The following MAGI2 variants were observed in gnomAD, a reference collection of about 807,000 sequenced individuals.
The protein encoded by MAGI2 is membrane associated guanylate kinase, WW and PDZ domain containing 2, also known as membrane-associated guanylate kinase, WW and PDZ domain-containing protein 2.
In MAGI2, 35 loss-of-function variants were observed where a neutral mutation model predicts 133.3. The observed-to-expected ratio is 0.26, with a 90% CI of 0.20 to 0.35. The LOEUF (loss-of-function observed/expected upper bound fraction) is 0.35. Among genes scored for constraint, MAGI2 ranks in the 10% least tolerant of loss-of-function variants. MAGI2 has a pLI of 1.00. For synonymous variants in MAGI2, 729 were observed against 710.6 expected, an observed-to-expected ratio of 1.03 and a Z score of -0.41; for missense variants, 1,636 against 1,863.4, an observed-to-expected ratio of 0.88 and a Z score of 2.25.
chr7:78,237,321 T>A (rs564829539), intron 10 of MAGI2, among the ~76,000 whole-genome samples: 1 of 152,314 alleles, frequency 6.6e-6, no homozygotes, highest in South Asian at 2.1e-4. Context: ...TTTTTACATT[T>A]TAGATTTGAG....
At chr7:78,629,225 T>C (rs991247563) in intron 2 of MAGI2, among the ~76,000 whole-genome samples, 4 of 152,128 alleles carry the variant, frequency 2.6e-5, no homozygotes, top group African/African-American at 4.8e-5. Flanking sequence ...TGTGATTGAG[T>C]TCTTCCTTCT....
intron 2 of MAGI2, among the ~76,000 whole-genome samples, chr7:78,777,619 A>G (rs1333591163): frequency 6.6e-6 from 1 of 152,210 alleles, no homozygotes; most frequent in Non-Finnish European, 1.5e-5. Flanking sequence ...ACTGTTCTAA[A>G]TAAGTACAAA....
chr7:78,031,478 T>TG (rs1584887579), intron 21 of MAGI2, among the ~76,000 whole-genome samples: 1 of 152,222 alleles, frequency 6.6e-6, no homozygotes, highest in East Asian at 1.9e-4. Context: ...ACCACTACTT[T>TG]GCTTTATAGC....
intron 2 of MAGI2, among the ~76,000 whole-genome samples, chr7:78,842,576 A>T (rs1352390505): frequency 6.6e-6 from 1 of 151,928 alleles, no homozygotes; most frequent in Non-Finnish European, 1.5e-5. Flanking sequence ...AGCCTTGAAG[A>T]TATAGCCATG....
intron 2 of MAGI2, among the ~76,000 whole-genome samples, chr7:78,944,513 C>CTAAGTGAAAGTTGGT (rs1801247469): frequency 6.6e-6 from 1 of 152,030 alleles, no homozygotes; most frequent in African/African-American, 2.4e-5. Flanking sequence ...GCATTCCCCT[C>CTAAGTGAAAGTTGGT]CATAAAATAC....
chr7:78,721,531 T>C (rs1055895538), intron 2 of MAGI2, among the ~76,000 whole-genome samples: 2 of 152,034 alleles, frequency 1.3e-5, no homozygotes, highest in South Asian at 4.1e-4. Context: ...CCCGGGTAGA[T>C]GCAGAATTTT....
chr7:78,795,145 C>A (rs1787501017), intron 2 of MAGI2, among the ~76,000 whole-genome samples: 1 of 151,736 alleles, frequency 6.6e-6, no homozygotes, highest in Non-Finnish European at 1.5e-5. Context: ...TTGCAATGAT[C>A]TTATATTGCA....
intron 6 of MAGI2, among the ~76,000 whole-genome samples, chr7:78,473,896 C>T (rs61183360): frequency 0.043 from 6,595 of 152,020 alleles, 490 homozygotes; most frequent in African/African-American, 0.15. Context: ...GAGGACAAAT[C>T]TTAAACGACT....
intron 1 of MAGI2, among the ~76,000 whole-genome samples, chr7:79,424,504 G>A (rs879257163): frequency 6.6e-6 from 1 of 152,050 alleles, no homozygotes; most frequent in Admixed American, 6.6e-5. Flanking sequence ...GGTGACTATA[G>A]GTATTGACAA....
At chr7:79,379,600 T>C (rs774288466) in intron 1 of MAGI2, among the ~76,000 whole-genome samples, 1 of 151,954 alleles carries the variant, frequency 6.6e-6, no homozygotes, top group Admixed American at 6.6e-5. Flanking sequence ...TGTTCCTATT[T>C]CTCCACATCC....
intron 2 of MAGI2, among the ~76,000 whole-genome samples, chr7:78,639,292 T>C (rs1463694277): frequency 6.6e-6 from 1 of 152,204 alleles, no homozygotes; most frequent in African/African-American, 2.4e-5. Context: ...TTCAATTATA[T>C]TGAAAATGCT....
At chr7:79,187,519 G>C (rs1399217445) in intron 1 of MAGI2, among the ~76,000 whole-genome samples, 1 of 151,764 alleles carries the variant, frequency 6.6e-6, no homozygotes, top group Non-Finnish European at 1.5e-5. Flanking sequence ...ATAGAATTCA[G>C]AGAAATGTCT....
intron 10 of MAGI2, chr7:78,255,169 G>A (rs1042318485): frequency 6.6e-6 from 1 of 152,406 alleles, no homozygotes; most frequent in African/African-American, 2.4e-5. Context: ...AAGGGGCCCT[G>A]TGCTTTACCC....
chr7:78,196,258 C>G (rs1184683577), intron 11 of MAGI2, among the ~76,000 whole-genome samples: 1 of 152,000 alleles, frequency 6.6e-6, no homozygotes, highest in Non-Finnish European at 1.5e-5. Flanking sequence ...CCGCCCTGTC[C>G]CTCCTGCCCC....
chr7:79,141,073 A>C (rs1355777946), intron 1 of MAGI2, among the ~76,000 whole-genome samples: 8 of 152,196 alleles, frequency 5.3e-5, no homozygotes, highest in African/African-American at 1.9e-4. Context: ...TGGACAGTTC[A>C]CCATCACCAC....
intron 9 of MAGI2, among the ~76,000 whole-genome samples, chr7:78,284,362 C>T (rs1014256408): frequency 5.3e-5 from 8 of 152,010 alleles, no homozygotes; most frequent in African/African-American, 1.7e-4. Context: ...GGACTTTTGG[C>T]AAATACACTT....
At chr7:78,608,824 C>G (rs1391164698) in intron 3 of MAGI2, among the ~76,000 whole-genome samples, 1 of 152,176 alleles carries the variant, frequency 6.6e-6, no homozygotes, top group Non-Finnish European at 1.5e-5. Context: ...CCCCTTTTCT[C>G]TGCTAGTTAG....
chr7:78,709,793 G>T (rs926564677), intron 2 of MAGI2, among the ~76,000 whole-genome samples: 1 of 151,974 alleles, frequency 6.6e-6, no homozygotes, highest in Non-Finnish European at 1.5e-5. Context: ...TTGGCTCCTG[G>T]CATTTACACA....
chr7:79,355,883 T>C (rs957553330), intron 1 of MAGI2, among the ~76,000 whole-genome samples: 1 of 152,202 alleles, frequency 6.6e-6, no homozygotes, highest in Non-Finnish European at 1.5e-5. Context: ...ACAATTAACA[T>C]ATTTGAGAGA....
Sources: allele counts gnomAD v4.1 joint callset (sites outside exome capture counted in the v4.1 genomes callset), GRCh38; gene constraint gnomAD v4.1.1; transcripts MANE v1.5; gene names NCBI Gene and HGNC (gene_info 2026-07-23, HGNC 2026-07-21).